Variants in ASH2L observed in about 807,000 individuals in gnomAD.
ASH2L encodes the protein set1/Ash2 histone methyltransferase complex subunit ASH2.
Under a neutral mutation model 81.1 loss-of-function variants are expected in ASH2L, and 30 were observed. The ratio of observed to expected loss-of-function variants is 0.37; its 90% CI spans 0.28 to 0.50. The LOEUF (loss-of-function observed/expected upper bound fraction) is 0.50, where lower values mean the gene tolerates loss of function less well. Ranked by LOEUF, ASH2L falls within the 20% of genes least tolerant of loss-of-function variation. The pLI is 0.95. For synonymous variants in ASH2L, 273 were observed against 279.9 expected (o/e 0.98, Z 0.24); for missense variants, 559 against 792.1 (o/e 0.71, Z 3.53).
chr8:38,113,403 A>G (rs966715917), intron 5 of ASH2L, among the ~76,000 whole-genome samples: 1 of 152,196 alleles, frequency 6.6e-6, no homozygotes, highest in African/African-American at 2.4e-5. Flanking sequence ...CTGGAACAAC[A>G]AAATATTCCA....
intron 5 of ASH2L, among the ~76,000 whole-genome samples, chr8:38,112,579 T>C (rs552530794): frequency 4.1e-4 from 62 of 152,278 alleles, no homozygotes; most frequent in African/African-American, 1.4e-3. Flanking sequence ...TAAACATCTT[T>C]GGCAAGAATA....
At chr8:38,125,104 A>G (rs1272584217) in intron 10 of ASH2L, among the ~76,000 whole-genome samples, 1 of 151,564 alleles carries the variant, frequency 6.6e-6, no homozygotes, top group African/African-American at 2.4e-5. Flanking sequence ...TGACCCAAAC[A>G]CCTCCCATCA....
In ASH2L at chr8:38,120,958, T is replaced by G; in HGVS notation, c.974T>G (p.Leu325Arg). ...RSDPLFSAQR[L>R]PPHGYPLEHP... ...GACCCTTTGTTTTCTGCTCAGCGCC[T>G]TCCCCCTCATGGCTACCCATTGGAA... is the stretch of plus-strand genomic sequence containing the variant. The change falls in exon 10 of 16, where the codon CTT becomes CGT. Residue 325 changes from leucine (L) to arginine (R), a missense_variant. Coordinates refer to ENST00000343823, the MANE Select transcript of ASH2L (RefSeq NM_004674.5). The G allele has an allele frequency of 6.2e-7, 1 of 1,613,430 alleles. No individual in the cohort carries two copies. Among genetic ancestry groups the G allele is most frequent in the Non-Finnish European group, 8.5e-7 (1 of 1,179,748 alleles).
chr8:38,105,607 AGCGGTCGCAAAT>A lies in ASH2L; in HGVS notation c.60_71del (p.Val21_Ala24del). On this transcript the variant is annotated inframe_deletion, in exon 1 of 16. Transcript: ENST00000343823. ...AAGCGGGTGCCGGGCCTGGCCCAGG[AGCGGTCGCAAAT>A]GCAACAGGGGCAGAAGAGGGGGAGA... 1 of 1,601,920 alleles carries A rather than the reference AGCGGTCGCAAAT, an allele frequency of 6.2e-7. No individual in the cohort carries two copies. Among genetic ancestry groups the A allele is most frequent in the South Asian group, 1.1e-5 (1 of 89,724 alleles).
intron 8 of ASH2L, 61 bp downstream of exon 8, chr8:38,116,786 A>C: frequency 7.2e-7 from 1 of 1,395,262 alleles, no homozygotes; most frequent in Non-Finnish European, 1.0e-6. Flanking sequence ...AGTTGTGCCT[A>C]GAACTGGCCA....
At chr8:38,134,188 A>G (rs889967056) in intron 13 of ASH2L, among the ~76,000 whole-genome samples, 1 of 152,182 alleles carries the variant, frequency 6.6e-6, no homozygotes, top group Non-Finnish European at 1.5e-5. Context: ...ACACTGCGGA[A>G]GGCCGCAGGG....
chr8:38,118,371 A>C (rs1305640924), intron 8 of ASH2L, among the ~76,000 whole-genome samples: 1 of 152,228 alleles, frequency 6.6e-6, no homozygotes, highest in Non-Finnish European at 1.5e-5. Flanking sequence ...AAGAGGGAAA[A>C]ATAAAACTAA....
At chr8:38,129,025 T>C (rs1440191624) in intron 12 of ASH2L, 74 bp downstream of exon 12, 1 of 1,545,086 alleles carries the variant, frequency 6.5e-7, no homozygotes, top group African/African-American at 1.4e-5. Flanking sequence ...CTGGCTTGTG[T>C]GATCTCTTAG....
At chr8:38,127,322 T>TAA (rs78451289) in intron 10 of ASH2L, among the ~76,000 whole-genome samples, 55 of 133,932 alleles carry the variant, frequency 4.1e-4, no homozygotes, top group African/African-American at 1.3e-3. Context: ...CCCTGGCTCT[T>TAA]AAAAAAAAAA....
chr8:38,134,943 C>T (rs1030190223), intron 13 of ASH2L, among the ~76,000 whole-genome samples: 1 of 151,808 alleles, frequency 6.6e-6, no homozygotes, highest in African/African-American at 2.4e-5. Context: ...TCTTAGAGAA[C>T]TTCAAAGTGA....
chr8:38,106,318 A>C (rs368567431), intron 1 of ASH2L, 60 bp from the exon 2 acceptor site: 11 of 1,524,670 alleles, frequency 7.2e-6, no homozygotes, highest in Non-Finnish European at 1.0e-5. Flanking sequence ...CATTTTTGGG[A>C]ATAGGCATTT....
intron 11 of ASH2L, 73 bp from the exon 12 acceptor site, chr8:38,128,685 G>GAT: frequency 6.4e-7 from 1 of 1,552,692 alleles, no homozygotes; most frequent in South Asian, 1.2e-5. Flanking sequence ...AAAGAAATAG[G>GAT]ATCTTTTTCC....
rs187227476 is a variant in ASH2L, at chr8:38,120,200, A to G, written c.948-732A>G. 1.9e-3 allele frequency among the ~76,000 whole-genome samples: 283 copies of G among 152,338 alleles called. 1 individual carries two copies. Among genetic ancestry groups the G allele is most frequent in the Non-Finnish European group, 1.3e-3 (90 of 68,032 alleles). Reference sequence around the variant, plus strand: ...ACATACATTTGTTAGTACAAAATTTATAGTAGTAACAAGTATAGTGTCTTC... The same window carrying G: ...ACATACATTTGTTAGTACAAAATTTGTAGTAGTAACAAGTATAGTGTCTTC... On this transcript the variant is annotated intron_variant, in intron 9 of 15. Transcript: ENST00000343823.
Position 38,107,823 on chromosome 8 carries a change from C to T in ASH2L, c.401+657C>T, listed in dbSNP as rs1020220158. 3.5e-4 allele frequency among the ~76,000 whole-genome samples: 53 copies of T among 150,330 alleles called. 2 individuals carry two copies. Among genetic ancestry groups the T allele is most frequent in the East Asian group, 1.9e-3 (10 of 5,130 alleles). On this transcript the variant is annotated intron_variant, in intron 3 of 15. Transcript: ENST00000343823. ...CTATCTAAACATAAGGCTGCATTAT[C>T]GTGAAATTAATCCACCTTGGGTGAG...
chr8:38,139,293 C>G lies in ASH2L; in HGVS notation c.*222C>G. 1 of 490,062 alleles carries G rather than the reference C, an allele frequency of 2.0e-6. No homozygotes were observed. Among genetic ancestry groups the G allele is most frequent in the Non-Finnish European group, 3.6e-6 (1 of 274,640 alleles). The allele number at this position is 490,062 out of a possible 1,614,324, so 30.4% of individuals were successfully genotyped here. On this transcript the variant is annotated 3_prime_UTR_variant, in exon 16 of 16. Coordinates refer to ENST00000343823, the MANE Select transcript of ASH2L (RefSeq NM_004674.5). ...ATTTTGTGTACCATAAGCCAACAAC[C>G]GCTGACTCCAGGATTGCATAAGCCC... is the stretch of plus-strand genomic sequence containing the variant.
rs548425461 is a variant in ASH2L at position 38,119,892 on chromosome 8, G to T, written c.947+529G>T. Among the ~76,000 whole-genome samples the T allele has an allele frequency of 3.9e-5, 6 of 152,268 alleles. No homozygotes were observed. The South Asian group carries it at 1.0e-3, about 26-fold the overall frequency. On this transcript the variant is annotated intron_variant, in intron 9 of 15. Transcript: ENST00000343823. ...CCAGCACTTTGGGAGGCTGAGACAG[G>T]TGAATCACCTGAGGTCAGGAGTTTG...
Position 38,105,550 on chromosome 8 carries a change from G to A in ASH2L, c.-1G>A. ...TCGCGAGAAGTCCAGGGGTGGCCGT[G>A]ATGGCGGCGGCAGGAGCAGGACCTG... On this transcript the variant is annotated 5_prime_UTR_variant, in exon 1 of 16. Coordinates refer to ENST00000343823, the MANE Select transcript of ASH2L (RefSeq NM_004674.5). 1 of 1,563,062 alleles carries A rather than the reference G, an allele frequency of 6.4e-7. No homozygotes were observed. The highest frequency in any genetic ancestry group is 8.7e-7 in the Non-Finnish European group (1 of 1,153,032).
intron 3 of ASH2L, among the ~76,000 whole-genome samples, chr8:38,107,418 CA>C (rs576723211): frequency 4.2e-4 from 63 of 148,308 alleles, no homozygotes; most frequent in African/African-American, 1.5e-3. Flanking sequence ...GGTTTGGAGA[CA>C]AAAAAAAATG....
At chr8:38,106,005 T>C (rs1394938377) in intron 1 of ASH2L, 2 of 1,531,030 alleles carry the variant, frequency 1.3e-6, no homozygotes, top group Non-Finnish European at 1.7e-6. Flanking sequence ...GCTCACACTT[T>C]AACGGGAGGC....
Sources: allele counts gnomAD v4.1 joint callset (sites outside exome capture counted in the v4.1 genomes callset), GRCh38; gene constraint gnomAD v4.1.1; transcripts MANE v1.5; gene names NCBI Gene and HGNC (gene_info 2026-07-23, HGNC 2026-07-21).